Variants in LHFPL3 observed in about 807,000 individuals in gnomAD.
The protein encoded by LHFPL3 is LHFPL tetraspan subfamily member 3 protein.
Under a neutral mutation model 19.3 loss-of-function variants are expected in LHFPL3, and 5 were observed. The ratio of observed to expected loss-of-function variants is 0.26; its 90% CI spans 0.14 to 0.54. LHFPL3 has a LOEUF of 0.54. Among genes scored for constraint, LHFPL3 ranks in the 20% least tolerant of loss-of-function variants. The pLI is 0.94. For missense variants in LHFPL3, 249 were observed against 307.4 expected (o/e 0.81, Z 1.42); for synonymous variants, 133 against 126.2 (o/e 1.05, Z -0.36).
chr7:104,577,222 G>A (rs1790355102), intron 1 of LHFPL3, among the ~76,000 whole-genome samples: 2 of 152,114 alleles, frequency 1.3e-5, no homozygotes, highest in East Asian at 3.9e-4. Flanking sequence ...AAACACATGG[G>A]AGAGCTAGAC....
intron 1 of LHFPL3, among the ~76,000 whole-genome samples, chr7:104,518,363 C>A (rs1400623877): frequency 6.6e-6 from 1 of 151,738 alleles, no homozygotes; most frequent in Non-Finnish European, 1.5e-5. Flanking sequence ...AAAAGTTTTC[C>A]AGGGTAAAAA....
chr7:104,547,366 T>C (rs1222697248), intron 1 of LHFPL3, among the ~76,000 whole-genome samples: 3 of 151,704 alleles, frequency 2.0e-5, no homozygotes, highest in African/African-American at 7.3e-5. Flanking sequence ...GATAGTTGCA[T>C]TGGTTACTTC....
chr7:104,726,535 A>G (rs1417858004), intron 1 of LHFPL3, among the ~76,000 whole-genome samples: 2 of 152,018 alleles, frequency 1.3e-5, no homozygotes, highest in South Asian at 2.1e-4. Flanking sequence ...CCCTGTGTCT[A>G]TGTGTTCACA....
At chr7:104,538,487 T>C (rs796374980) in intron 1 of LHFPL3, among the ~76,000 whole-genome samples, 13 of 152,288 alleles carry the variant, frequency 8.5e-5, no homozygotes, top group African/African-American at 3.1e-4. Context: ...TCAATACATT[T>C]TCAAATATCG....
At chr7:104,560,968 C>T (rs1025150720) in intron 1 of LHFPL3, among the ~76,000 whole-genome samples, 1 of 149,902 alleles carries the variant, frequency 6.7e-6, no homozygotes, top group African/African-American at 2.5e-5. Context: ...GCAGGTTGTT[C>T]AGTTTCCATG....
At chr7:104,413,234 T>C (rs193229884) in intron 1 of LHFPL3, among the ~76,000 whole-genome samples, 1 of 152,312 alleles carries the variant, frequency 6.6e-6, no homozygotes, top group Admixed American at 6.5e-5. Context: ...GCTTCTTTCC[T>C]GAAATGAATT....
At chr7:104,616,951 A>T (rs1791358214) in intron 1 of LHFPL3, among the ~76,000 whole-genome samples, 1 of 152,246 alleles carries the variant, frequency 6.6e-6, no homozygotes, top group African/African-American at 2.4e-5. Context: ...CCACAATGAG[A>T]TACCATCTCA....
intron 1 of LHFPL3, among the ~76,000 whole-genome samples, chr7:104,506,660 G>A (rs934966884): frequency 1.2e-4 from 19 of 152,206 alleles, no homozygotes; most frequent in African/African-American, 4.6e-4. Context: ...AAGAAAATGA[G>A]GCTCTTGGAT....
At chr7:104,365,410 A>C (rs931030186) in intron 1 of LHFPL3, among the ~76,000 whole-genome samples, 11 of 152,058 alleles carry the variant, frequency 7.2e-5, no homozygotes, top group African/African-American at 2.7e-4. Flanking sequence ...ACAGACTGGA[A>C]TGATGAGTGG....
At chr7:104,349,828 T>A (rs1790139973) in intron 1 of LHFPL3, among the ~76,000 whole-genome samples, 1 of 152,268 alleles carries the variant, frequency 6.6e-6, no homozygotes, top group African/African-American at 2.4e-5. Context: ...CATAATTTGC[T>A]ATAACCTTAC....
intron 1 of LHFPL3, among the ~76,000 whole-genome samples, chr7:104,477,402 G>A (rs929747168): frequency 1.3e-5 from 2 of 152,174 alleles, no homozygotes; most frequent in Non-Finnish European, 2.9e-5. Context: ...GACATAAAAT[G>A]ATGAGCGACT....
intron 2 of LHFPL3, among the ~76,000 whole-genome samples, chr7:104,745,945 G>T (rs192652509): frequency 5.9e-4 from 90 of 152,302 alleles, no homozygotes; most frequent in African/African-American, 2.0e-3. Flanking sequence ...GGGGATCAAG[G>T]TAAAGAAATA....
chr7:104,896,295 C>T (rs1388550493), intron 2 of LHFPL3, among the ~76,000 whole-genome samples: 1 of 152,190 alleles, frequency 6.6e-6, no homozygotes, highest in East Asian at 1.9e-4. Context: ...GTGCTAGGGA[C>T]ACTGTGGCTT....
At chr7:104,858,329 G>A (rs1319453963) in intron 2 of LHFPL3, among the ~76,000 whole-genome samples, 4 of 152,154 alleles carry the variant, frequency 2.6e-5, no homozygotes, top group Admixed American at 6.5e-5. Context: ...CATCACCCCA[G>A]GTTGCTTTCT....
intron 2 of LHFPL3, among the ~76,000 whole-genome samples, chr7:104,872,005 TA>T: frequency 6.6e-6 from 1 of 152,136 alleles, no homozygotes; most frequent in East Asian, 1.9e-4. Context: ...TTTTCTCTAT[TA>T]AAATTTTTTT....
intron 1 of LHFPL3, among the ~76,000 whole-genome samples, chr7:104,692,463 G>C (rs890859465): frequency 1.3e-5 from 2 of 152,236 alleles, no homozygotes; most frequent in Admixed American, 1.3e-4. Context: ...GCTGGGCCCA[G>C]GGTCTTGCTG....
chr7:104,406,642 GAC>G (rs1165968933), intron 1 of LHFPL3, among the ~76,000 whole-genome samples: 1 of 152,330 alleles, frequency 6.6e-6, no homozygotes, highest in Admixed American at 6.5e-5. Context: ...CTCAGAGAAA[GAC>G]ACAGGTAGAT....
chr7:104,472,417 G>A (rs1193005571), intron 1 of LHFPL3, among the ~76,000 whole-genome samples: 4 of 152,034 alleles, frequency 2.6e-5, no homozygotes, highest in Non-Finnish European at 5.9e-5. Context: ...AATACTGCAT[G>A]TACTTTGTAG....
At chr7:104,745,966 G>T (rs1794038810) in intron 2 of LHFPL3, among the ~76,000 whole-genome samples, 1 of 152,178 alleles carries the variant, frequency 6.6e-6, no homozygotes, top group Admixed American at 6.5e-5. Flanking sequence ...TTGAAATGCA[G>T]TGACAGAGGC....
Sources: allele counts gnomAD v4.1 joint callset (sites outside exome capture counted in the v4.1 genomes callset), GRCh38; gene constraint gnomAD v4.1.1; transcripts MANE v1.5; gene names NCBI Gene and HGNC (gene_info 2026-07-23, HGNC 2026-07-21).